The following TUBGCP5 variants were observed in gnomAD, a reference collection of about 807,000 sequenced individuals.
TUBGCP5 encodes the protein gamma-tubulin complex component 5.
Under a neutral mutation model 134.7 loss-of-function variants are expected in TUBGCP5, and 98 were observed. The ratio of observed to expected loss-of-function variants is 0.73; its 90% CI spans 0.62 to 0.86. The LOEUF is 0.86. TUBGCP5 is among the 40% of genes least tolerant of loss of function. The probability of loss-of-function intolerance (pLI) is 0.00; values close to 1 mark genes in which losing one functional copy is unlikely to be tolerated. For missense variants in TUBGCP5, 1,150 were observed against 1,244.8 expected (o/e 0.92, Z 1.15); for synonymous variants, 456 against 431.4 (o/e 1.06, Z -0.71).
intron 6 of TUBGCP5, among the ~76,000 whole-genome samples, chr15:23,028,126 T>C (rs1331016766): frequency 6.6e-6 from 1 of 151,794 alleles, no homozygotes; most frequent in Non-Finnish European, 1.5e-5. Context: ...AAATCCTACA[T>C]TAAAAAAGAG....
In TUBGCP5 at chr15:23,021,286, T is replaced by A. The variant is rs185178415; in HGVS notation, c.1371+673A>T. 1.4e-3 allele frequency among the ~76,000 whole-genome samples: 218 copies of A among 152,270 alleles called. 1 individual carries two copies. The highest frequency in any genetic ancestry group is 4.8e-3 in the African/African-American group (200 of 41,564). On this transcript the variant is annotated intron_variant, in intron 11 of 22. Transcript: ENST00000615383. Reference sequence around the variant, plus strand: ...ATGCATGGCCTAGATTTGTATTTTTTAAAATACAATATAAAATATATAACA... The same window carrying A: ...ATGCATGGCCTAGATTTGTATTTTTAAAAATACAATATAAAATATATAACA...
Position 23,005,503 on chromosome 15 carries a change from G to C in TUBGCP5, c.2641C>G (p.His881Asp). The C allele has an allele frequency of 6.2e-7, 1 of 1,614,182 alleles. No individual in the cohort carries two copies. The highest frequency in any genetic ancestry group is 8.5e-7 in the Non-Finnish European group (1 of 1,180,018). Residue 881 changes from histidine (H) to aspartate (D), a missense_variant, in exon 19 of 23, where the codon CAT (histidine) becomes GAT (aspartate). Coordinates refer to ENST00000615383, the MANE Select transcript of TUBGCP5 (RefSeq NM_052903.6). ...PQKEPVRQQIHRMFLLRVKLM... is the reference protein window; with the variant it reads ...PQKEPVRQQIDRMFLLRVKLM... Reference sequence around the variant, plus strand: ...TTCACTCTTAAGAGGAACATGCGATGAATCTGCTGTCTTACTGGTTCTTTT... The same window carrying C: ...TTCACTCTTAAGAGGAACATGCGATCAATCTGCTGTCTTACTGGTTCTTTT...
intron 20 of TUBGCP5, 122 bp from the exon 21 acceptor site, chr15:23,003,275 T>C: frequency 2.3e-6 from 2 of 865,646 alleles, no homozygotes; most frequent in Non-Finnish European, 3.7e-6. Flanking sequence ...GCCTTCTGTG[T>C]ATATGGAAGG....
intron 10 of TUBGCP5, 58 bp downstream of exon 10, chr15:23,023,889 G>T: frequency 6.5e-7 from 1 of 1,543,810 alleles, no homozygotes; most frequent in South Asian, 1.2e-5. Flanking sequence ...AAAACTCTAA[G>T]TGGCATTCAA....
At chr15:23,033,317 G>A (rs533874733) in intron 3 of TUBGCP5, among the ~76,000 whole-genome samples, 148 of 151,076 alleles carry the variant, frequency 9.8e-4, no homozygotes, top group African/African-American at 3.4e-3. Context: ...TCGCTCTGTC[G>A]CCCAGGCTGG....
chr15:23,006,476 A>G, intron 16 of TUBGCP5, 124 bp from the exon 17 acceptor site: 1 of 699,096 alleles, frequency 1.4e-6, no homozygotes, highest in Non-Finnish European at 2.4e-6. Flanking sequence ...CATAAAAGAA[A>G]TGCAAACATT....
At chr15:23,014,154 C>T (rs1181654937) in intron 13 of TUBGCP5, among the ~76,000 whole-genome samples, 1 of 152,226 alleles carries the variant, frequency 6.6e-6, no homozygotes, top group Non-Finnish European at 1.5e-5. Context: ...GACATGCCTC[C>T]AGGCTGGTGA....
chr15:23,010,995 A>C, intron 14 of TUBGCP5, 138 bp downstream of exon 14: 1 of 837,900 alleles, frequency 1.2e-6, no homozygotes, highest in Non-Finnish European at 1.8e-6. Flanking sequence ...AAACAAAAAA[A>C]AAAAAGGAAA....
At chr15:23,011,853 T>C (rs1193865093) in intron 13 of TUBGCP5, among the ~76,000 whole-genome samples, 6 of 148,160 alleles carry the variant, frequency 4.0e-5, no homozygotes, top group Admixed American at 2.7e-4. Flanking sequence ...CAGTGGCTCA[T>C]GCCTGTAATC....
At chr15:23,015,412 C>T (rs1465472494) in intron 13 of TUBGCP5, among the ~76,000 whole-genome samples, 4 of 148,504 alleles carry the variant, frequency 2.7e-5, no homozygotes, top group Non-Finnish European at 4.5e-5. Flanking sequence ...GAGGCCGAGG[C>T]GGGTGGATTG....
chr15:22,996,227 C>T (rs2064072415), downstream of TUBGCP5, among the ~76,000 whole-genome samples: 2 of 152,170 alleles, frequency 1.3e-5, no homozygotes, highest in South Asian at 4.1e-4. Context: ...TTTCCAGTTG[C>T]TCTAAATCCT....
At position 23,036,847 on chromosome 15, in the gene TUBGCP5, G is replaced by C. The variant is rs754266782; in HGVS notation, c.309+50C>G. ...AACTGAAACAAATTGACGATAATCAGATAGGAAACAGTAAAATACACAGTG... is the reference window on the plus strand; with the variant it reads ...AACTGAAACAAATTGACGATAATCACATAGGAAACAGTAAAATACACAGTG... On this transcript the variant is annotated intron_variant, in intron 3 of 22. Coordinates refer to ENST00000615383, the MANE Select transcript of TUBGCP5 (RefSeq NM_052903.6). 4.1e-6 allele frequency: 5 copies of C among 1,209,146 alleles called. No individual in the cohort carries two copies. In the East Asian group the frequency reaches 9.4e-5, roughly 23 times the overall value. 74.9% of individuals were successfully genotyped at this position (1,209,146 alleles called of 1,614,324 possible). A position where few individuals can be genotyped will look rare whatever the true frequency, so the allele number is the denominator to read the frequency against.
intron 11 of TUBGCP5, among the ~76,000 whole-genome samples, chr15:23,020,857 G>T (rs988808725): frequency 2.6e-5 from 4 of 152,090 alleles, no homozygotes; most frequent in African/African-American, 9.7e-5. Flanking sequence ...TCCTGCCTTA[G>T]CCTCTCGAGT....
chr15:23,031,143 C>A, intron 5 of TUBGCP5, 123 bp from the exon 6 acceptor site: 1 of 968,984 alleles, frequency 1.0e-6, no homozygotes, highest in East Asian at 2.8e-5. Context: ...AACAGAAAAA[C>A]AAATTTTTTT....
At chr15:23,004,071 T>G (rs1052856731) in intron 20 of TUBGCP5, 31 bp downstream of exon 20, 17 of 1,585,840 alleles carry the variant, frequency 1.1e-5, no homozygotes, top group Non-Finnish European at 1.4e-5. Flanking sequence ...CGCCCAGCAG[T>G]GGCCACATCT....
intron 3 of TUBGCP5, among the ~76,000 whole-genome samples, chr15:23,033,641 A>C (rs1240221614): frequency 6.6e-6 from 1 of 152,178 alleles, no homozygotes; most frequent in Non-Finnish European, 1.5e-5. Flanking sequence ...CACTAAGTCA[A>C]AGAGTGTTTG....
At position 23,021,952 on chromosome 15, in the gene TUBGCP5, CACTT is replaced by C. The variant is rs780585805; in HGVS notation, c.1371+3_1371+6del. On this transcript the variant is annotated splice_donor_5th_base_variant and intron_variant, in intron 11 of 22. Transcript: ENST00000615383. ...AGTCACACACTTTAGGCAGAAGTCTCACTTACGGTTTGCTCAGAGGCTTCTCCAA... is the reference window on the plus strand; with the variant it reads ...AGTCACACACTTTAGGCAGAAGTCTCACGGTTTGCTCAGAGGCTTCTCCAA... 9 of 1,613,902 alleles carry C rather than the reference CACTT, an allele frequency of 5.6e-6. No homozygotes were observed. The highest frequency in any genetic ancestry group is 1.3e-5 in the African/African-American group (1 of 74,944).
In TUBGCP5 at chr15:23,023,979, A is replaced by G; in HGVS notation, c.1136T>C (p.Leu379Pro). The change falls in exon 10 of 23, where the codon CTT becomes CCT. Residue 379 changes from leucine (L) to proline (P), a missense_variant. Transcript: ENST00000615383. ...YKYFISFKEE[L>P]AEIEKCIINN... Reference sequence around the variant, plus strand: ...GATGATGCACTTCTCAATTTCTGCAAGTTCCTCTTTGAAACTAATGAAATA... The same window carrying G: ...GATGATGCACTTCTCAATTTCTGCAGGTTCCTCTTTGAAACTAATGAAATA... 2 of 1,614,068 alleles carry G rather than the reference A, an allele frequency of 1.2e-6. No homozygotes were observed. Among genetic ancestry groups the G allele is most frequent in the Non-Finnish European group, 1.7e-6 (2 of 1,179,956 alleles).
At chr15:22,988,982 G>C (rs2063769646) in intron 23 of TUBGCP5, among the ~76,000 whole-genome samples, 1 of 151,882 alleles carries the variant, frequency 6.6e-6, no homozygotes, top group African/African-American at 2.4e-5. Flanking sequence ...TCCTTCCCTT[G>C]ACTTTTTCTG....
Sources: gnomAD v4.1 joint callset for allele counts (sites outside exome capture counted in the v4.1 genomes callset) on GRCh38, gnomAD v4.1.1 for gene constraint, MANE v1.5 for transcripts, NCBI Gene and HGNC (gene_info 2026-07-23, HGNC 2026-07-21) for gene names.